PLXDC2: variants seen among roughly 807,000 people sequenced by gnomAD.
The protein encoded by PLXDC2 is plexin domain-containing protein 2.
PLXDC2 carries 40 observed loss-of-function variants against 68.9 expected under a neutral mutation model. The ratio of observed to expected loss-of-function variants is 0.58; its 90% confidence interval spans 0.45 to 0.76. The LOEUF (loss-of-function observed/expected upper bound fraction) is 0.76, where lower values mean the gene tolerates loss of function less well. Among genes scored for constraint, PLXDC2 ranks in the 30% least tolerant of loss-of-function variants. The pLI is 0.00. For missense variants in PLXDC2, 644 were observed against 661.9 expected (o/e 0.97, Z 0.30); for synonymous variants, 243 against 234.2 (o/e 1.04, Z -0.34).
At chr10:19,994,432 G>A (rs553514528) in intron 1 of PLXDC2, among the ~76,000 whole-genome samples, 18 of 145,964 alleles carry the variant, frequency 1.2e-4, no homozygotes, top group Admixed American at 3.5e-4. Context: ...AGGCTCAAGC[G>A]ATCCTCCAAC....
chr10:20,184,451 T>C (rs1412576338), intron 9 of PLXDC2, among the ~76,000 whole-genome samples: 1 of 150,848 alleles, frequency 6.6e-6, no homozygotes, highest in Non-Finnish European at 1.5e-5. Context: ...ATGTGTATTA[T>C]ATTTCAAAAA....
chr10:20,198,216 A>G (rs906572150), intron 9 of PLXDC2, among the ~76,000 whole-genome samples: 4 of 152,184 alleles, frequency 2.6e-5, no homozygotes, highest in African/African-American at 9.6e-5. Flanking sequence ...GAAGTATGTT[A>G]GAAATCAGAG....
At chr10:20,061,664 C>G (rs987747966) in intron 3 of PLXDC2, among the ~76,000 whole-genome samples, 2 of 152,186 alleles carry the variant, frequency 1.3e-5, no homozygotes, top group African/African-American at 4.8e-5. Flanking sequence ...TTAGCGTTCA[C>G]TCTTGCTAAC....
chr10:19,828,967 CTG>C (rs1464301252), intron 1 of PLXDC2, among the ~76,000 whole-genome samples: 2 of 152,132 alleles, frequency 1.3e-5, no homozygotes, highest in African/African-American at 4.8e-5. Flanking sequence ...GCAAATCTGA[CTG>C]TGTCCCTCCT....
At chr10:20,249,442 G>A (rs11011904) in intron 13 of PLXDC2, among the ~76,000 whole-genome samples, 5 of 151,720 alleles carry the variant, frequency 3.3e-5, no homozygotes, top group South Asian at 2.1e-4. Context: ...TGGTTCCTTC[G>A]GGAGGCTTCA....
At chr10:20,113,931 A>G (rs1458398638) in intron 4 of PLXDC2, among the ~76,000 whole-genome samples, 1 of 152,016 alleles carries the variant, frequency 6.6e-6, no homozygotes, top group African/African-American at 2.4e-5. Flanking sequence ...TTAGAGATCA[A>G]CCTGACCAAC....
chr10:19,957,163 T>G (rs1335286135), intron 1 of PLXDC2, among the ~76,000 whole-genome samples: 2 of 152,178 alleles, frequency 1.3e-5, no homozygotes, highest in Admixed American at 1.3e-4. Flanking sequence ...TAGTACCAAC[T>G]TACTTCCATC....
intron 5 of PLXDC2, among the ~76,000 whole-genome samples, chr10:20,143,964 T>A (rs146808546): frequency 1.3e-5 from 2 of 151,564 alleles, no homozygotes; most frequent in African/African-American, 2.4e-5. Context: ...CCAAGAGCAA[T>A]GTATCCCTGC....
intron 1 of PLXDC2, among the ~76,000 whole-genome samples, chr10:19,949,859 A>G (rs1833964937): frequency 6.6e-6 from 1 of 152,232 alleles, no homozygotes; most frequent in Non-Finnish European, 1.5e-5. Flanking sequence ...ATTGAGTCAC[A>G]GAAGATGTAC....
At position 20,002,467 on chromosome 10, in the gene PLXDC2, C is replaced by T. The variant is rs182812796; in HGVS notation, c.324+481C>T. 2.6e-5 allele frequency among the ~76,000 whole-genome samples: 4 copies of T among 152,170 alleles called. No homozygotes were observed. The East Asian group carries it at 7.8e-4, about 30-fold the overall frequency. ...TAGAGATGGCATTTCACCATGTTTG[C>T]CAGGCTGGTCTGGACTCCTGACCTT... On this transcript the variant is annotated intron_variant, in intron 2 of 13. Coordinates refer to ENST00000377252, the MANE Select transcript of PLXDC2 (RefSeq NM_032812.9).
At chr10:20,083,663 T>C (rs1037341703) in intron 4 of PLXDC2, among the ~76,000 whole-genome samples, 17 of 152,244 alleles carry the variant, frequency 1.1e-4, no homozygotes, top group African/African-American at 4.1e-4. Flanking sequence ...GTATGCAGTA[T>C]AAAGCTTTCT....
chr10:20,102,562 T>A (rs1833437495), intron 4 of PLXDC2, among the ~76,000 whole-genome samples: 1 of 152,294 alleles, frequency 6.6e-6, no homozygotes, highest in Non-Finnish European at 1.5e-5. Context: ...GGTAATAATA[T>A]TTGCTATAAA....
At chr10:20,185,118 A>T (rs1834663828) in intron 9 of PLXDC2, among the ~76,000 whole-genome samples, 1 of 145,960 alleles carries the variant, frequency 6.9e-6, no homozygotes, top group Admixed American at 7.0e-5. Flanking sequence ...ATACCTAGGC[A>T]ACAAACCTGC....
chr10:20,084,111 G>T (rs141823851), intron 4 of PLXDC2, among the ~76,000 whole-genome samples: 1 of 152,166 alleles, frequency 6.6e-6, no homozygotes. Context: ...TACAGATTTG[G>T]CAGCAAGAAG....
chr10:20,016,018 T>C (rs781048822), intron 2 of PLXDC2, among the ~76,000 whole-genome samples: 2 of 152,214 alleles, frequency 1.3e-5, no homozygotes, highest in Non-Finnish European at 2.9e-5. Flanking sequence ...GTACATTCTC[T>C]TCTGGAATAA....
chr10:20,069,656 G>T (rs1836282707), intron 4 of PLXDC2, among the ~76,000 whole-genome samples: 1 of 151,474 alleles, frequency 6.6e-6, no homozygotes, highest in Admixed American at 6.6e-5. Context: ...CTCTATCTCT[G>T]AAAATAAAAT....
At chr10:19,917,933 ACACT>A (rs1833398035) in intron 1 of PLXDC2, among the ~76,000 whole-genome samples, 2 of 152,186 alleles carry the variant, frequency 1.3e-5, no homozygotes, top group Admixed American at 1.3e-4. Flanking sequence ...TTCACAGCAC[ACACT>A]CTCCTGGTGA....
chr10:20,267,848 T>TTA (rs1408380579), intron 13 of PLXDC2, among the ~76,000 whole-genome samples: 53 of 152,030 alleles, frequency 3.5e-4, no homozygotes, highest in Non-Finnish European at 6.9e-4. Context: ...ATCTTTTTTT[T>TTA]TTTTATTTTT....
chr10:20,110,535 C>G (rs1833545864), intron 4 of PLXDC2, among the ~76,000 whole-genome samples: 1 of 152,120 alleles, frequency 6.6e-6, no homozygotes, highest in East Asian at 1.9e-4. Flanking sequence ...TTCTGTAATG[C>G]CATCTTTCCT....
Sources: allele counts gnomAD v4.1 joint callset (sites outside exome capture counted in the v4.1 genomes callset), GRCh38; gene constraint gnomAD v4.1.1; transcripts MANE v1.5; gene names NCBI Gene and HGNC (gene_info 2026-07-23, HGNC 2026-07-21).